Variants in HEATR1 observed in about 807,000 individuals in gnomAD.
HEATR1 encodes HEAT repeat containing 1.
HEATR1 carries 77 observed loss-of-function variants against 248.2 expected under a neutral mutation model. The observed-to-expected ratio is 0.31, with a 90% CI of 0.26 to 0.37. The LOEUF is 0.37. Among genes scored for constraint, HEATR1 ranks in the 10% least tolerant of loss-of-function variants. HEATR1 has a pLI of 1.00. For missense variants in HEATR1, 2,420 were observed against 2,504.9 expected, an observed-to-expected ratio of 0.97 and a Z score of 0.72; for synonymous variants, 897 against 923.1, an observed-to-expected ratio of 0.97 and a Z score of 0.51.
chr1:236,577,148 A>T (rs200975380), intron 20 of HEATR1, among the ~76,000 whole-genome samples, 199 bp from the exon 21 acceptor site: 1 of 97,334 alleles, frequency 1.0e-5, no homozygotes, highest in Non-Finnish European at 2.5e-5. Context: ...AATACACAAG[A>T]GCATACTATA....
chr1:236,591,721 T>A (rs917701519), intron 11 of HEATR1, among the ~76,000 whole-genome samples: 1 of 135,242 alleles, frequency 7.4e-6, no homozygotes, highest in South Asian at 2.5e-4. Context: ...CCTCTGATGA[T>A]TCTTAATGAA....
chr1:236,581,118 T>C, intron 20 of HEATR1, 104 bp downstream of exon 20: 1 of 946,792 alleles, frequency 1.1e-6, no homozygotes, highest in South Asian at 1.6e-5. Flanking sequence ...GCGCCTGCCC[T>C]CTGCTATTTT....
rs4518892 is a variant in HEATR1 at position 236,581,412 on chromosome 1, C to A, written c.2565G>T (p.Val855=). Reference sequence around the variant, plus strand: ...ATAACTGAAAAACATCTTCTAGATGCACCTAATTAAAAAAAAAAAAAAGCA... The same window carrying A: ...ATAACTGAAAAACATCTTCTAGATGAACCTAATTAAAAAAAAAAAAAAGCA... ...FRVLMKLFIK[V]HLEDVFQLFK... Residue 855 remains valine, a splice_region_variant and synonymous_variant, in exon 20 of 45, where the codon GTG becomes GTT. Transcript: ENST00000366582. 0.65 allele frequency: 946,641 copies of A among 1,462,720 alleles called. 317,397 individuals are homozygous for A. Among genetic ancestry groups the A allele is most frequent in the Non-Finnish European group, 0.69 (766,947 of 1,107,248 alleles). 90.6% of individuals were successfully genotyped at this position (1,462,720 alleles called of 1,614,324 possible).
At position 236,549,073 on chromosome 1, in the gene HEATR1, G is replaced by C; in HGVS notation, c.*1829C>G. 2.5e-6 allele frequency: 1 copy of C among 398,402 alleles called. No individual in the cohort carries two copies. Among genetic ancestry groups the C allele is most frequent in the Non-Finnish European group, 4.4e-6 (1 of 225,944 alleles). The allele number at this position is 398,402 out of a possible 1,614,324, so 24.7% of individuals were successfully genotyped here. A position where few individuals can be genotyped will look rare whatever the true frequency, so the allele number is the denominator to read the frequency against. On this transcript the variant is annotated 3_prime_UTR_variant, in exon 45 of 45. Coordinates refer to ENST00000366582, the MANE Select transcript of HEATR1 (RefSeq NM_018072.6). ...TTAGACTTCAGGCATTCATAAGGCA[G>C]GCACTATCAGAAAGTGTACGCCAAC...
At chr1:236,556,999 A>G (rs945332082) in intron 37 of HEATR1, among the ~76,000 whole-genome samples, 196 bp downstream of exon 37, 2 of 152,226 alleles carry the variant, frequency 1.3e-5, no homozygotes, top group Admixed American at 1.3e-4. Context: ...CCCCATATCA[A>G]TTTCAAGATT....
At chr1:236,597,055 G>T in intron 5 of HEATR1, 79 bp from the exon 6 acceptor site, 1 of 1,396,626 alleles carries the variant, frequency 7.2e-7, no homozygotes, top group Non-Finnish European at 9.8e-7. Context: ...GGAGTTCAAG[G>T]CTGAGATTTC....
chr1:236,553,761 C>T, intron 42 of HEATR1, 22 bp from the exon 43 acceptor site: 3 of 1,585,142 alleles, frequency 1.9e-6, no homozygotes, highest in Non-Finnish European at 2.6e-6. Flanking sequence ...AAGACAAAGA[C>T]TTTGAACAAC....
chr1:236,568,983 A>G lies in HEATR1; in HGVS notation c.4077+13T>C. 1 of 1,541,976 alleles carries G rather than the reference A, an allele frequency of 6.5e-7. No homozygotes were observed. The highest frequency in any genetic ancestry group is 8.7e-7 in the Non-Finnish European group (1 of 1,149,930). ...AAAAAAAGAAACCCCACGATGGTATAAAGAGACCTTACCTGAATAAGTGCG... is the reference window on the plus strand; with the variant it reads ...AAAAAAAGAAACCCCACGATGGTATGAAGAGACCTTACCTGAATAAGTGCG... On this transcript the variant is annotated intron_variant, in intron 29 of 44. Transcript: ENST00000366582.
chr1:236,580,701 G>C (rs1307834386), intron 20 of HEATR1, among the ~76,000 whole-genome samples: 1 of 151,726 alleles, frequency 6.6e-6, no homozygotes, highest in African/African-American at 2.4e-5. Context: ...ATTTTTTGTA[G>C]AGGCAGGATC....
intron 16 of HEATR1, 78 bp downstream of exon 16, chr1:236,585,742 T>G: frequency 6.8e-7 from 1 of 1,470,096 alleles, no homozygotes; most frequent in Non-Finnish European, 9.2e-7. Flanking sequence ...TTAAGAAAAA[T>G]CTAGTAAAGC....
At chr1:236,592,992 C>T (rs1490844057) in intron 9 of HEATR1, among the ~76,000 whole-genome samples, 2 of 152,106 alleles carry the variant, frequency 1.3e-5, no homozygotes, top group Non-Finnish European at 2.9e-5. Flanking sequence ...GACAGGAGTT[C>T]GAGATCAGCC....
chr1:236,574,183 C>T lies in HEATR1; in HGVS notation c.3459+19G>A. On this transcript the variant is annotated intron_variant, in intron 24 of 44. Coordinates refer to ENST00000366582, the MANE Select transcript of HEATR1 (RefSeq NM_018072.6). ...CTATAAACATTAATAAAAAAAATTA[C>T]AAGAAGTTTGCAGCTTACCCCTTTA... 1.9e-6 allele frequency: 3 copies of T among 1,576,990 alleles called. No homozygotes were observed. The highest frequency in any genetic ancestry group is 2.6e-6 in the Non-Finnish European group (3 of 1,168,642).
At chr1:236,555,486 A>G in intron 40 of HEATR1, 22 bp from the exon 41 acceptor site, 2 of 1,614,144 alleles carry the variant, frequency 1.2e-6, no homozygotes, top group South Asian at 1.1e-5. Context: ...AGACAGTATT[A>G]GTTTCTTCGA....
intron 20 of HEATR1, 127 bp from the exon 21 acceptor site, chr1:236,577,076 G>C (rs1663581199): frequency 1.5e-6 from 1 of 670,720 alleles, no homozygotes; most frequent in Admixed American, 3.1e-5. Context: ...TCTGTTCACT[G>C]TTTGAATATT....
chr1:236,564,618 T>C lies in HEATR1; in HGVS notation c.4479A>G (p.Gln1493=). ...KAVSFNKSES[Q]EEMLQVFNVE... ...CATTAAAAACCTGTAGCATTTCTTC[T>C]TGTGATTCACTCTTATTAAATGACA... Residue 1493 remains glutamine, a synonymous_variant, in exon 32 of 45, where the codon CAA becomes CAG. Transcript: ENST00000366582. 6.2e-7 allele frequency: 1 copy of C among 1,613,656 alleles called. No homozygotes were observed. Among genetic ancestry groups the C allele is most frequent in the Non-Finnish European group, 8.5e-7 (1 of 1,179,966 alleles).
At position 236,550,878 on chromosome 1, in the gene HEATR1, G is replaced by A; in HGVS notation, c.*24C>T. 1.3e-6 allele frequency: 2 copies of A among 1,533,838 alleles called. No homozygotes were observed. Among genetic ancestry groups the A allele is most frequent in the Non-Finnish European group, 1.8e-6 (2 of 1,132,074 alleles). On this transcript the variant is annotated 3_prime_UTR_variant, in exon 45 of 45. Coordinates refer to ENST00000366582, the MANE Select transcript of HEATR1 (RefSeq NM_018072.6). ...GAAATATGAGTGTGAACTCTGAGTA[G>A]AGTATGAAACACCACAGAAAGTCTT...
chr1:236,587,618 A>G, intron 13 of HEATR1, 128 bp from the exon 14 acceptor site: 1 of 463,794 alleles, frequency 2.2e-6, no homozygotes, highest in Non-Finnish European at 3.8e-6. Context: ...ACAAATTAAA[A>G]GTTTTAAGAT....
chr1:236,567,360 G>A (rs1263491075), intron 29 of HEATR1, among the ~76,000 whole-genome samples: 1 of 152,128 alleles, frequency 6.6e-6, no homozygotes, highest in Admixed American at 6.5e-5. Flanking sequence ...AGCCCCAAGG[G>A]GAATACAAAG....
At chr1:236,558,628 G>T in intron 35 of HEATR1, 99 bp from the exon 36 acceptor site, 1 of 1,208,548 alleles carries the variant, frequency 8.3e-7, no homozygotes, top group Non-Finnish European at 1.2e-6. Flanking sequence ...ATGGAAATCA[G>T]ACTCGGGGGT....
Sources: allele counts gnomAD v4.1 joint callset (sites outside exome capture counted in the v4.1 genomes callset), GRCh38; gene constraint gnomAD v4.1.1; transcripts MANE v1.5; gene names NCBI Gene and HGNC (gene_info 2026-07-23, HGNC 2026-07-21).